Variants in CHD5 observed in about 807,000 individuals in gnomAD.
CHD5 encodes chromodomain helicase DNA binding protein 5, also known as ATP-dependent chromatin remodeler CHD5.
Under a neutral mutation model 230.3 loss-of-function variants are expected in CHD5, and 69 were observed. The observed-to-expected ratio is 0.30, with a 90% CI of 0.25 to 0.37. The LOEUF is 0.37. CHD5 is among the 10% of genes least tolerant of loss of function. The pLI, the probability that CHD5 is intolerant of heterozygous loss-of-function variation, is 1.00. For synonymous variants in CHD5, 1,064 were observed against 1,065.9 expected (o/e 1.00, Z 0.03); for missense variants, 1,827 against 2,622.8 (o/e 0.70, Z 6.63).
At chr1:6,156,791 G>C (rs1319402158) in intron 3 of CHD5, among the ~76,000 whole-genome samples, 1 of 151,962 alleles carries the variant, frequency 6.6e-6, no homozygotes, top group East Asian at 1.9e-4. Flanking sequence ...CCTGGGGTGG[G>C]GGGACATCCC....
At chr1:6,112,831 TGG>T in intron 34 of CHD5, 76 bp downstream of exon 34, 1 of 1,067,398 alleles carries the variant, frequency 9.4e-7, no homozygotes, top group Non-Finnish European at 1.4e-6. Context: ...TGGGAGACTG[TGG>T]GAGGCTGAAC....
intron 2 of CHD5, 25 bp from the exon 3 acceptor site, chr1:6,159,540 G>A (rs768730817): frequency 1.3e-5 from 20 of 1,579,876 alleles, no homozygotes; most frequent in Non-Finnish European, 1.6e-5. Flanking sequence ...GGACAGTGAG[G>A]GCAACAGAGG....
intron 11 of CHD5, among the ~76,000 whole-genome samples, chr1:6,145,009 T>C (rs1342896768): frequency 1.4e-4 from 21 of 152,132 alleles, no homozygotes; most frequent in Admixed American, 1.3e-3. Flanking sequence ...ATTTTTAGCA[T>C]GTAATTTAGT....
chr1:6,159,188 C>T (rs1180481856), intron 3 of CHD5, 148 bp downstream of exon 3: 28 of 1,402,920 alleles, frequency 2.0e-5, no homozygotes, highest in Middle Eastern at 2.6e-4. Context: ...GCCGAGGTCA[C>T]GCCACTGCAC....
rs1228718113 is a variant in CHD5 at position 6,164,360 on chromosome 1, T to G, written c.207+3790A>C. On this transcript the variant is annotated intron_variant, in intron 2 of 41. Coordinates refer to ENST00000262450, the MANE Select transcript of CHD5 (RefSeq NM_015557.3). ...GTTATAAACAGTTATAATTTAGCAC[T>G]GAATAATTGGTTGCTATGGTAACCG... 2.0e-5 allele frequency among the ~76,000 whole-genome samples: 3 copies of G among 152,238 alleles called. No homozygotes were observed. The East Asian group carries it at 5.8e-4, about 29-fold the overall frequency.
In CHD5 at chr1:6,105,375, G is replaced by A. The variant is rs796294284; in HGVS notation, c.*99C>T. On this transcript the variant is annotated 3_prime_UTR_variant, in exon 42 of 42. Coordinates refer to ENST00000262450, the MANE Select transcript of CHD5 (RefSeq NM_015557.3). This position sits in a 1 kb window ranked among gnomAD's most constrained non-coding sequence, Gnocchi z 4.8. ...CCAAGGTGGCGCTGGCTCCTAAAAA[G>A]GTGGCAGCTTTTCTCTCCCATGTGG... The A allele has an allele frequency of 3.4e-5, 16 of 470,626 alleles. No individual in the cohort carries two copies. The highest frequency in any genetic ancestry group is 3.0e-4 in the African/African-American group (15 of 50,186). 29.2% of individuals were successfully genotyped at this position (470,626 alleles called of 1,614,324 possible).
At chr1:6,144,887 C>T (rs1055334439) in intron 11 of CHD5, among the ~76,000 whole-genome samples, 2 of 152,226 alleles carry the variant, frequency 1.3e-5, no homozygotes, top group African/African-American at 4.8e-5. Context: ...CCACGGCAAC[C>T]GATGTTTGTT....
chr1:6,112,976 C>T lies in CHD5; in HGVS notation c.4935G>A (p.Glu1645=). The change falls in exon 34 of 42, where the codon GAG becomes GAA. Residue 1645 remains glutamate (E), a synonymous_variant. Coordinates refer to ENST00000262450, the MANE Select transcript of CHD5 (RefSeq NM_015557.3). ...TCAGCTCCAGCTTGTCCAGGATCTTCTCCTTCTCAGGAAGCACCTCCTCTG... is the reference window on the plus strand; with the variant it reads ...TCAGCTCCAGCTTGTCCAGGATCTTTTCCTTCTCAGGAAGCACCTCCTCTG... ...LPREEVLPEK[E]KILDKLELSL... The T allele has an allele frequency of 1.2e-6, 2 of 1,613,908 alleles. No individual in the cohort carries two copies. The highest frequency in any genetic ancestry group is 1.7e-6 in the Non-Finnish European group (2 of 1,179,834).
At chr1:6,179,299 C>T (rs766377473) in intron 1 of CHD5, among the ~76,000 whole-genome samples, 1 of 152,146 alleles carries the variant, frequency 6.6e-6, no homozygotes, top group Non-Finnish European at 1.5e-5. Flanking sequence ...AGGACGCCGG[C>T]GGCCCGGGTA....
In CHD5 at chr1:6,155,656, A is replaced by AAC; in HGVS notation, c.447_448dup (p.Phe150CysfsTer10). On this transcript the variant is annotated frameshift_variant, in exon 4 of 42. Transcript: ENST00000262450. LOFTEE classifies it high-confidence loss of function. This position sits in a 1 kb window ranked among gnomAD's most constrained non-coding sequence, Gnocchi z 4.0. ...CAGCGTGTGGTAATCCTCCTCCGAG[A>AAC]ACAGGTAGTCCACGTCGTCCAGGCC... is the stretch of plus-strand genomic sequence containing the variant. 1 of 1,614,058 alleles carries AAC rather than the reference A, an allele frequency of 6.2e-7. No individual in the cohort carries two copies. The highest frequency in any genetic ancestry group is 8.5e-7 in the Non-Finnish European group (1 of 1,179,982).
At chr1:6,115,304 T>C (rs1195092329) in intron 33 of CHD5, among the ~76,000 whole-genome samples, 1 of 151,430 alleles carries the variant, frequency 6.6e-6, no homozygotes, top group Non-Finnish European at 1.5e-5. Flanking sequence ...AATTGCAGAA[T>C]TTAATTGCAG....
chr1:6,155,011 C>T lies in CHD5; in HGVS notation c.507-113G>A. ...CATGTGCGATCTATGGCAGCAGCCCCAGGTTCCTGATTAGAGAGATTAGGC... is the reference window on the plus strand; with the variant it reads ...CATGTGCGATCTATGGCAGCAGCCCTAGGTTCCTGATTAGAGAGATTAGGC... On this transcript the variant is annotated intron_variant, in intron 4 of 41. Transcript: ENST00000262450. The surrounding 1 kb of genome is among the most constrained non-coding windows in gnomAD (Gnocchi z 4.0). 1.0e-6 allele frequency: 1 copy of T among 960,030 alleles called. No homozygotes were observed. Among genetic ancestry groups the T allele is most frequent in the Non-Finnish European group, 1.5e-6 (1 of 647,616 alleles). 59.5% of individuals were successfully genotyped at this position (960,030 alleles called of 1,614,324 possible).
Position 6,168,131 on chromosome 1 carries a change from C to A in CHD5, c.207+19G>T. 6.3e-7 allele frequency: 1 copy of A among 1,587,992 alleles called. No homozygotes were observed. The highest frequency in any genetic ancestry group is 8.6e-7 in the Non-Finnish European group (1 of 1,161,066). On this transcript the variant is annotated intron_variant, in intron 2 of 41. Transcript: ENST00000262450. ...ACCCCACCCGCCCCAAGCTCGCCGG[C>A]GCAGGTGCTGCCCCTCACCTCTTTC...
At position 6,179,966 on chromosome 1, in the gene CHD5, C is replaced by T; in HGVS notation, c.58G>A (p.Glu20Lys). The T allele has an allele frequency of 7.3e-7, 1 of 1,375,052 alleles. No homozygotes were observed. 85.2% of individuals were successfully genotyped at this position (1,375,052 alleles called of 1,614,324 possible). A position where few individuals can be genotyped will look rare whatever the true frequency, so the allele number is the denominator to read the frequency against. The change falls in exon 1 of 42, where the codon GAG becomes AAG. Residue 20 changes from glutamate (E) to lysine (K), a missense_variant. By Grantham distance (56) the Glu-to-Lys change is moderately conservative. Coordinates refer to ENST00000262450, the MANE Select transcript of CHD5 (RefSeq NM_015557.3). The stretch of plus-strand genomic sequence containing the variant: ...TCACCTGACATCTCGTCCTCATTCT[C>T]CATCTCCTCGGCGAACAGCCGCGGC... The part of the protein sequence containing the change: ...ELPRLFAEEM[E>K]NEDEMSEEED...
intron 5 of CHD5, among the ~76,000 whole-genome samples, chr1:6,153,865 C>T (rs866474797): frequency 6.6e-6 from 1 of 151,082 alleles, no homozygotes; most frequent in South Asian, 2.1e-4. Flanking sequence ...AATCAGGGCA[C>T]CCAGGAAAGC....
At chr1:6,149,189 G>T in intron 8 of CHD5, 57 bp downstream of exon 8, 2 of 1,507,306 alleles carry the variant, frequency 1.3e-6, no homozygotes, top group East Asian at 2.4e-5. Flanking sequence ...TGAGGGCACA[G>T]GGGTGGGGGA....
chr1:6,151,462 C>T (rs1571162246), intron 6 of CHD5, among the ~76,000 whole-genome samples: 1 of 152,190 alleles, frequency 6.6e-6, no homozygotes, highest in Non-Finnish European at 1.5e-5. Context: ...CAAGGGGCAG[C>T]CCTAGGGACA....
rs1275125701 is a variant in CHD5 at position 6,179,855 on chromosome 1, G to A, written c.79+90C>T. 11 of 517,298 alleles carry A rather than the reference G, an allele frequency of 2.1e-5. 1 individual carries two copies. The East Asian group carries it at 2.5e-3, about 119-fold the overall frequency. 32.0% of individuals were successfully genotyped at this position (517,298 alleles called of 1,614,324 possible). A position where few individuals can be genotyped will look rare whatever the true frequency, so the allele number is the denominator to read the frequency against. ...TCCTGCGAGGCGCCAGCCCGGCCGCGCCGCCCCCGCCGCCCGCGCTCCGCC... is the reference window on the plus strand; with the variant it reads ...TCCTGCGAGGCGCCAGCCCGGCCGCACCGCCCCCGCCGCCCGCGCTCCGCC... On this transcript the variant is annotated intron_variant, in intron 1 of 41. Transcript: ENST00000262450.
chr1:6,156,548 A>G (rs1667084143), intron 3 of CHD5, among the ~76,000 whole-genome samples: 1 of 151,516 alleles, frequency 6.6e-6, no homozygotes, highest in Non-Finnish European at 1.5e-5. Context: ...AAAAAAAAAA[A>G]AAAAAAAAGA....
Sources: gnomAD v4.1 joint callset for allele counts (sites outside exome capture counted in the v4.1 genomes callset) on GRCh38, gnomAD v4.1.1 for gene constraint, Gnocchi (gnomAD v3.1) non-coding constraint, MANE v1.5 for transcripts, NCBI Gene and HGNC (gene_info 2026-07-23, HGNC 2026-07-21) for gene names.